The following HEPH variants were observed in gnomAD, a reference collection of about 807,000 sequenced individuals.
HEPH encodes hephaestin.
In HEPH, 69 loss-of-function variants were observed where a neutral mutation model predicts 80.8. The observed-to-expected ratio is 0.85, with a 90% CI of 0.70 to 1.04. The LOEUF is 1.04. Among genes scored for constraint, HEPH ranks in the 50% least tolerant of loss-of-function variants. HEPH has a pLI of 0.00. For missense variants in HEPH, 1,115 were observed against 891.3 expected (o/e 1.25, Z -3.20); for synonymous variants, 431 against 322.8 (o/e 1.34, Z -3.60).
At chrX:66,183,680 G>T (rs1472182061) in intron 4 of HEPH, among the ~76,000 whole-genome samples, 35 of 56,764 alleles carry the variant, frequency 6.2e-4, no homozygotes, top group Non-Finnish European at 7.7e-4. Flanking sequence ...TTTTTGAAGG[G>T]TTTTTTGTGT....
chrX:66,165,936 T>C (rs964527454), intron 1 of HEPH, among the ~76,000 whole-genome samples: 2 of 111,194 alleles, frequency 1.8e-5, no homozygotes, highest in Admixed American at 1.9e-4. Flanking sequence ...AGAAAAAAAA[T>C]ATCCTTGCCC....
chrX:66,164,647 G>A (rs1385554403), intron 1 of HEPH, among the ~76,000 whole-genome samples, 177 bp downstream of exon 1: 1 of 111,894 alleles, frequency 8.9e-6, no homozygotes, highest in African/African-American at 3.2e-5. Flanking sequence ...GGCTCCTTTT[G>A]TTCCTCTCGC....
upstream of HEPH, among the ~76,000 whole-genome samples, chrX:66,163,933 G>A (rs1275746331): frequency 2.7e-5 from 3 of 112,274 alleles, no homozygotes; most frequent in East Asian, 8.4e-4. Context: ...AAGCAGCCAT[G>A]ACCTCAGAAT....
intron 15 of HEPH, among the ~76,000 whole-genome samples, chrX:66,213,000 T>C (rs1488476873): frequency 9.1e-6 from 1 of 109,690 alleles, no homozygotes; most frequent in African/African-American, 3.3e-5. Flanking sequence ...TCAGTGTTTG[T>C]AGTTTTTTTT....
At chrX:66,188,024 T>G (rs1012993807) in intron 4 of HEPH, among the ~76,000 whole-genome samples, 1 of 111,080 alleles carries the variant, frequency 9.0e-6, no homozygotes, top group Non-Finnish European at 1.9e-5. Flanking sequence ...TTGGAGGATT[T>G]TGCTGATAAT....
chrX:66,255,968 A>T, intron 16 of HEPH, 137 bp from the exon 17 acceptor site: 1 of 451,107 alleles, frequency 2.2e-6, no homozygotes, highest in South Asian at 3.5e-5. Flanking sequence ...ATAGTGGGGT[A>T]CTTATAAATG....
Position 66,172,463 on chromosome X carries a change from G to A in HEPH, c.276G>A (p.Gln92=). 8.3e-7 allele frequency: 1 copy of A among 1,210,246 alleles called. No homozygotes were observed. The highest frequency in any genetic ancestry group is 1.7e-5 in the African/African-American group (1 of 57,769). The change falls in exon 3 of 21, where the codon CAG becomes CAA. Residue 92 remains glutamine, a synonymous_variant. Coordinates refer to ENST00000343002, the MANE Select transcript of HEPH (RefSeq NM_001367233.3). ...ACTCATACACAGATGAAGTGGCCCA[G>A]CCTGCCTGGTTGGGCTTCCTGGGGC... ...KDDSYTDEVA[Q]PAWLGFLGPV...
intron 15 of HEPH, among the ~76,000 whole-genome samples, chrX:66,212,585 A>G (rs886125195): frequency 8.9e-6 from 1 of 111,834 alleles, no homozygotes; most frequent in Non-Finnish European, 1.9e-5. Flanking sequence ...TCTTTCTCCA[A>G]TGTAAGTTTT....
intron 11 of HEPH, among the ~76,000 whole-genome samples, chrX:66,199,368 C>CG (rs954555418): frequency 7.3e-5 from 8 of 109,860 alleles, no homozygotes; most frequent in African/African-American, 2.7e-4. Context: ...GGTCCCCCCC[C>CG]CCCATACTCC....
At chrX:66,259,962 T>G (rs1288030118) in intron 18 of HEPH, 138 bp from the exon 19 acceptor site, 1 of 441,552 alleles carries the variant, frequency 2.3e-6, no homozygotes, top group East Asian at 3.7e-5. Flanking sequence ...AAGTGGACTT[T>G]TAAAACCACT....
chrX:66,215,198 G>T (rs2089334255), intron 15 of HEPH, among the ~76,000 whole-genome samples: 1 of 110,949 alleles, frequency 9.0e-6, no homozygotes, highest in Non-Finnish European at 1.9e-5. Context: ...ATGCTTCTTA[G>T]TTTTTCTTAC....
At chrX:66,193,677 C>G (rs1469793495) in intron 8 of HEPH, 39 bp downstream of exon 8, 2 of 1,096,117 alleles carry the variant, frequency 1.8e-6, no homozygotes, top group Middle Eastern at 2.6e-4. Flanking sequence ...TTTACTAGAG[C>G]CAGAGAATTG....
At chrX:66,174,016 AT>A (rs199758238) in intron 4 of HEPH, among the ~76,000 whole-genome samples, 1 of 107,946 alleles carries the variant, frequency 9.3e-6, no homozygotes, top group Non-Finnish European at 1.9e-5. Flanking sequence ...GTTAGGAACA[AT>A]TTTTTTTTCA....
At chrX:66,245,425 G>C (rs942682204) in intron 15 of HEPH, among the ~76,000 whole-genome samples, 2 of 111,858 alleles carry the variant, frequency 1.8e-5, no homozygotes, top group African/African-American at 6.5e-5. Context: ...AACAAGAAGA[G>C]CTAACTATCC....
chrX:66,215,023 A>G (rs543630895), intron 15 of HEPH, among the ~76,000 whole-genome samples: 63 of 111,594 alleles, frequency 5.6e-4, no homozygotes, highest in Non-Finnish European at 9.8e-4. Context: ...TAAAATTTTG[A>G]TTGACATTGC....
chrX:66,213,777 A>C (rs1171975264), intron 15 of HEPH, among the ~76,000 whole-genome samples: 2 of 112,269 alleles, frequency 1.8e-5, no homozygotes, highest in African/African-American at 6.5e-5. Flanking sequence ...ATGATACTGT[A>C]AATAAAAATC....
intron 19 of HEPH, among the ~76,000 whole-genome samples, chrX:66,260,736 A>T (rs976371770): frequency 4.5e-5 from 5 of 111,298 alleles, no homozygotes; most frequent in Non-Finnish European, 7.5e-5. Context: ...GATTTGTTCT[A>T]TGGGGTTGTG....
chrX:66,263,443 TG>T (rs1328001273), intron 19 of HEPH, among the ~76,000 whole-genome samples, 200 bp from the exon 20 acceptor site: 1 of 112,020 alleles, frequency 8.9e-6, no homozygotes, highest in Non-Finnish European at 1.9e-5. Context: ...CCTGTTCTCT[TG>T]CCCATATTTC....
chrX:66,179,847 T>G (rs1204410271), intron 4 of HEPH, among the ~76,000 whole-genome samples: 3 of 111,934 alleles, frequency 2.7e-5, no homozygotes, highest in African/African-American at 9.7e-5. Flanking sequence ...CCTCTTTGTC[T>G]CTTTTAACTG....
Sources: allele counts gnomAD v4.1 joint callset (sites outside exome capture counted in the v4.1 genomes callset), GRCh38; gene constraint gnomAD v4.1.1; transcripts MANE v1.5; gene names NCBI Gene and HGNC (gene_info 2026-07-23, HGNC 2026-07-21).